PARP4: variants seen among roughly 807,000 people sequenced by gnomAD.
PARP4 encodes the protein poly(ADP-ribose) polymerase family member 4, also known as protein mono-ADP-ribosyltransferase PARP4.
A neutral mutation model predicts 187.7 loss-of-function variants in PARP4; 120 were observed. The observed-to-expected ratio is 0.64, with a 90% confidence interval of 0.55 to 0.74. The LOEUF is 0.74. PARP4 is among the 30% of genes least tolerant of loss of function. The probability of loss-of-function intolerance (pLI) is 0.00; values close to 1 mark genes in which losing one functional copy is unlikely to be tolerated. For synonymous variants in PARP4, 654 were observed against 740.9 expected (o/e 0.88, Z 1.90); for missense variants, 1,836 against 2,070.5 (o/e 0.89, Z 2.20).
chr13:24,476,036 C>T (rs1872967135), intron 14 of PARP4, among the ~76,000 whole-genome samples: 1 of 152,132 alleles, frequency 6.6e-6, no homozygotes. Context: ...ATCTACCTGC[C>T]TTGACCTCCC....
chr13:24,475,791 C>CTT (rs34628702), intron 14 of PARP4, among the ~76,000 whole-genome samples, 195 bp from the exon 15 acceptor site: 14,494 of 148,080 alleles, frequency 0.098, 764 homozygotes, highest in Non-Finnish European at 0.12. Context: ...TGCCTTCTGC[C>CTT]TTTTTTTTTT....
At chr13:24,457,865 T>C (rs1220555450) in intron 20 of PARP4, among the ~76,000 whole-genome samples, 1 of 149,464 alleles carries the variant, frequency 6.7e-6, no homozygotes, top group Non-Finnish European at 1.5e-5. Context: ...TACAATAAAA[T>C]TTCTCAGAAC....
intron 32 of PARP4, among the ~76,000 whole-genome samples, chr13:24,427,633 C>G (rs1292326645): frequency 6.6e-6 from 1 of 152,126 alleles, no homozygotes; most frequent in East Asian, 1.9e-4. Flanking sequence ...AAGGACTTGG[C>G]ATAGTATGTA....
Position 24,493,672 on chromosome 13 carries a change from T to C in PARP4, c.803A>G (p.Glu268Gly). 1 of 1,614,074 alleles carries C rather than the reference T, an allele frequency of 6.2e-7. No homozygotes were observed. The highest frequency in any genetic ancestry group is 8.5e-7 in the Non-Finnish European group (1 of 1,179,982). The change falls in exon 8 of 34, where the codon GAG (glutamate) becomes GGG (glycine). Residue 268 changes from glutamate to glycine, a missense_variant. Glu to Gly is a moderately conservative substitution (Grantham distance 98). Transcript: ENST00000381989. ...GCCCAGGGCCTCTGCCCAAATCATC[T>C]CTACTAAATCGCTCACCTCTTGGCT... ...TLSQEVSDLV[E>G]MIWAEALGHL...
At chr13:24,483,196 G>GT (rs960582871) in intron 12 of PARP4, among the ~76,000 whole-genome samples, 3 of 151,580 alleles carry the variant, frequency 2.0e-5, no homozygotes, top group East Asian at 1.9e-4. Flanking sequence ...ATTTTAAAAA[G>GT]TTTTTTTTGG....
At chr13:24,458,900 G>A in intron 20 of PARP4, 144 bp downstream of exon 20, 1 of 661,830 alleles carries the variant, frequency 1.5e-6, no homozygotes, top group Non-Finnish European at 2.7e-6. Context: ...AAACTGGTCT[G>A]GGGAGAATCA....
At chr13:24,441,196 G>T (rs575541534) in intron 30 of PARP4, among the ~76,000 whole-genome samples, 44 of 152,244 alleles carry the variant, frequency 2.9e-4, no homozygotes, top group African/African-American at 1.1e-3. Context: ...TAGAGATGAG[G>T]TCTCGCTTTG....
chr13:24,480,860 C>T (rs1873240078), intron 12 of PARP4, among the ~76,000 whole-genome samples: 1 of 152,242 alleles, frequency 6.6e-6, no homozygotes, highest in Admixed American at 6.5e-5. Context: ...GCAGCAAGTT[C>T]TCCAGAAGAT....
At chr13:24,438,216 A>G (rs935373709) in intron 30 of PARP4, among the ~76,000 whole-genome samples, 10 of 152,090 alleles carry the variant, frequency 6.6e-5, no homozygotes, top group African/African-American at 2.4e-4. Context: ...ATGGAAGGCA[A>G]TTTTTCCATG....
Position 24,494,660 on chromosome 13 carries a change from G to A in PARP4, c.654C>T (p.Tyr218=). The change falls in exon 7 of 34, where the codon TAC becomes TAT. Residue 218 remains tyrosine, a synonymous_variant. Coordinates refer to ENST00000381989, the MANE Select transcript of PARP4 (RefSeq NM_006437.4). ...SEDASEYFEN[Y]IEELKKQGFL... Reference sequence around the variant, plus strand: ...ATCCTTGTTTCTTCAGTTCTTCAATGTAATTTTCAAAGTATTCACTTGCAT... The same window carrying A: ...ATCCTTGTTTCTTCAGTTCTTCAATATAATTTTCAAAGTATTCACTTGCAT... 6.2e-7 allele frequency: 1 copy of A among 1,609,124 alleles called. No individual in the cohort carries two copies. Among genetic ancestry groups the A allele is most frequent in the African/African-American group, 1.3e-5 (1 of 74,926 alleles).
chr13:24,440,270 T>C (rs1870852983), intron 30 of PARP4, among the ~76,000 whole-genome samples: 1 of 151,638 alleles, frequency 6.6e-6, no homozygotes, highest in Non-Finnish European at 1.5e-5. Flanking sequence ...TGGTGGCGCG[T>C]ACCTGTAATC....
intron 20 of PARP4, 152 bp from the exon 21 acceptor site, chr13:24,456,630 G>T: frequency 1.5e-6 from 1 of 654,910 alleles, no homozygotes; most frequent in Non-Finnish European, 2.3e-6. Flanking sequence ...ATAATGAAAT[G>T]TAGGCCGGGT....
chr13:24,452,359 G>C (rs776359358), intron 24 of PARP4, 47 bp downstream of exon 24: 1 of 1,479,194 alleles, frequency 6.8e-7, no homozygotes, highest in Non-Finnish European at 9.2e-7. Flanking sequence ...GCAACAAGAC[G>C]ACCTCCCCGT....
chr13:24,447,841 A>C (rs1047883647), intron 25 of PARP4, among the ~76,000 whole-genome samples: 1 of 152,238 alleles, frequency 6.6e-6, no homozygotes, highest in Non-Finnish European at 1.5e-5. Context: ...TGATGTCATT[A>C]GTCATTAGGG....
chr13:24,446,460 C>T (rs1871212862), intron 27 of PARP4, among the ~76,000 whole-genome samples: 1 of 152,112 alleles, frequency 6.6e-6, no homozygotes, highest in African/African-American at 2.4e-5. Context: ...TCTTGTGTGA[C>T]ACATAAAATA....
chr13:24,451,360 CTTAGA>C, intron 24 of PARP4, among the ~76,000 whole-genome samples: 1 of 152,330 alleles, frequency 6.6e-6, no homozygotes, highest in Middle Eastern at 3.4e-3. Context: ...TGGGCTAGGC[CTTAGA>C]TTACAGAGAA....
rs1396304029 is a variant in PARP4 at position 24,421,446 on chromosome 13, T to C, written c.4980-132A>G. The C allele has an allele frequency of 4.2e-6, 4 of 959,408 alleles. No individual in the cohort carries two copies. In the African/African-American group the frequency reaches 5.0e-5, roughly 12 times the overall value. The allele number at this position is 959,408 out of a possible 1,614,324, so 59.4% of individuals were successfully genotyped here. On this transcript the variant is annotated intron_variant, in intron 33 of 33. Transcript: ENST00000381989. ...AGATATTTAATAAAAGCAGTTTTCC[T>C]TGGCATCTTACGGAAGTTCTTCTGC...
intron 1 of PARP4, among the ~76,000 whole-genome samples, chr13:24,506,781 G>A (rs535184471): frequency 1.4e-4 from 21 of 152,336 alleles, no homozygotes; most frequent in African/African-American, 4.8e-4. Flanking sequence ...TGCCAGGGCC[G>A]CAGGTGGAGC....
At chr13:24,437,137 C>A (rs1483241357) in intron 30 of PARP4, among the ~76,000 whole-genome samples, 1 of 151,926 alleles carries the variant, frequency 6.6e-6, no homozygotes, top group South Asian at 2.1e-4. Flanking sequence ...CATTTCAAGT[C>A]AATAAGAGGA....
Sources: gnomAD v4.1 joint callset for allele counts (sites outside exome capture counted in the v4.1 genomes callset) on GRCh38, gnomAD v4.1.1 for gene constraint, MANE v1.5 for transcripts, NCBI Gene and HGNC (gene_info 2026-07-23, HGNC 2026-07-21) for gene names.